The following SV2C variants were observed in gnomAD, a reference collection of about 807,000 sequenced individuals.
The protein encoded by SV2C is synaptic vesicle glycoprotein 2C, also known as solute carrier family 22 member B3.
Under a neutral mutation model 79.7 loss-of-function variants are expected in SV2C, and 49 were observed. The ratio of observed to expected loss-of-function variants is 0.61; its 90% confidence interval spans 0.49 to 0.78. The LOEUF (loss-of-function observed/expected upper bound fraction) is 0.78, where lower values mean the gene tolerates loss of function less well. Among genes scored for constraint, SV2C ranks in the 30% least tolerant of loss-of-function variants. The pLI is 0.00. For missense variants in SV2C, 833 were observed against 912.9 expected (o/e 0.91, Z 1.13); for synonymous variants, 334 against 333.2 (o/e 1.00, Z -0.03).
intron 4 of SV2C, among the ~76,000 whole-genome samples, chr5:76,221,728 C>G (rs980951130): frequency 6.6e-6 from 1 of 152,114 alleles, no homozygotes; most frequent in African/African-American, 2.4e-5. Flanking sequence ...TTAGACTTCC[C>G]TGGTACTCAG....
intron 1 of SV2C, among the ~76,000 whole-genome samples, chr5:76,093,350 G>A (rs1160323102): frequency 1.3e-5 from 2 of 152,174 alleles, no homozygotes; most frequent in African/African-American, 4.8e-5. Context: ...TTCTGCCAGT[G>A]GACATGCGAG....
intron 4 of SV2C, among the ~76,000 whole-genome samples, chr5:76,271,370 T>C (rs1298585483): frequency 6.6e-6 from 1 of 152,158 alleles, no homozygotes; most frequent in Non-Finnish European, 1.5e-5. Flanking sequence ...TTATTGGGAC[T>C]ACCCACAAAA....
chr5:76,226,708 C>T (rs1186147976), intron 4 of SV2C, among the ~76,000 whole-genome samples: 1 of 152,160 alleles, frequency 6.6e-6, no homozygotes, highest in East Asian at 1.9e-4. Context: ...ATAGGCCTAA[C>T]AGAACACACG....
intron 4 of SV2C, among the ~76,000 whole-genome samples, chr5:76,228,514 G>C (rs1532697): frequency 3.3e-5 from 5 of 151,944 alleles, no homozygotes; most frequent in African/African-American, 1.2e-4. Flanking sequence ...AACCCGTAAC[G>C]GAGCAGCTAG....
the SV2C span, among the ~76,000 whole-genome samples, chr5:75,968,479 A>G: frequency 6.6e-6 from 1 of 152,252 alleles, no homozygotes; most frequent in Non-Finnish European, 1.5e-5. Flanking sequence ...AGAAGTCCTC[A>G]AAGGACCTGA....
chr5:76,280,440 T>C (rs187408593), intron 4 of SV2C, among the ~76,000 whole-genome samples: 31 of 152,256 alleles, frequency 2.0e-4, no homozygotes, highest in African/African-American at 6.5e-4. Flanking sequence ...GGGTTTTGAT[T>C]GTGGTCCAAT....
intron 4 of SV2C, among the ~76,000 whole-genome samples, chr5:76,268,607 C>A (rs1024160073): frequency 2.0e-5 from 3 of 152,214 alleles, no homozygotes; most frequent in African/African-American, 7.2e-5. Context: ...TTTTATGAGA[C>A]AAGAACGCAA....
intron 2 of SV2C, among the ~76,000 whole-genome samples, chr5:76,179,064 A>G (rs1561251781): frequency 6.6e-6 from 1 of 152,234 alleles, no homozygotes. Flanking sequence ...TTATAGAGAT[A>G]GGACTGATGC....
At chr5:75,883,086 A>G in the SV2C span, among the ~76,000 whole-genome samples, 1 of 145,912 alleles carries the variant, frequency 6.9e-6, no homozygotes, top group Non-Finnish European at 1.5e-5. Context: ...AAACACATGA[A>G]AAAATGCTCA....
At chr5:76,086,461 C>G (rs1025450404) in intron 1 of SV2C, among the ~76,000 whole-genome samples, 3 of 152,172 alleles carry the variant, frequency 2.0e-5, no homozygotes, top group Non-Finnish European at 4.4e-5. Flanking sequence ...CAAAATGCCT[C>G]TTTTTCTGTG....
the SV2C span, among the ~76,000 whole-genome samples, chr5:75,965,590 A>T: frequency 6.6e-6 from 1 of 152,170 alleles, no homozygotes; most frequent in African/African-American, 2.4e-5. Context: ...AACTGTGAGA[A>T]ATAAACTTCT....
chr5:76,099,539 C>T (rs968540221), intron 1 of SV2C, among the ~76,000 whole-genome samples: 4 of 152,112 alleles, frequency 2.6e-5, no homozygotes, highest in Non-Finnish European at 4.4e-5. Flanking sequence ...CTCAGGATAA[C>T]CAACCACTGA....
chr5:75,921,687 T>C, the SV2C span: 2,630 of 585,836 alleles, frequency 4.5e-3, 45 homozygotes, highest in African/African-American at 0.044. Context: ...TAAACAGCAA[T>C]GGATATACCC....
chr5:75,905,240 C>A, the SV2C span, among the ~76,000 whole-genome samples: 1 of 152,132 alleles, frequency 6.6e-6, no homozygotes. Flanking sequence ...TTTTCATTTG[C>A]TTCCATCCAG....
chr5:76,074,016 A>G, the SV2C span, among the ~76,000 whole-genome samples: 1 of 152,144 alleles, frequency 6.6e-6, no homozygotes, highest in East Asian at 1.9e-4. Context: ...GGGTTCACAG[A>G]CCTACTGTGC....
At chr5:76,316,384 C>A (rs900384164) in intron 12 of SV2C, among the ~76,000 whole-genome samples, 1 of 152,140 alleles carries the variant, frequency 6.6e-6, no homozygotes, top group African/African-American at 2.4e-5. Flanking sequence ...TGCTTGGGCC[C>A]CAATAAAGCA....
intron 1 of SV2C, among the ~76,000 whole-genome samples, chr5:76,114,616 C>A (rs570480013): frequency 6.6e-6 from 1 of 152,344 alleles, no homozygotes; most frequent in East Asian, 1.9e-4. Context: ...GCCCTGATTC[C>A]CTCAGAAAAG....
chr5:76,032,572 T>C, the SV2C span, among the ~76,000 whole-genome samples: 1 of 152,208 alleles, frequency 6.6e-6, no homozygotes, highest in South Asian at 2.1e-4. Context: ...ACAAAGGACA[T>C]GAACTCATCA....
At chr5:76,078,904 G>A (rs1282204438), upstream of SV2C, 1 of 558,046 alleles carries the variant, frequency 1.8e-6, no homozygotes, top group African/African-American at 1.9e-5. Context: ...TTACAATGAT[G>A]ACTTGCAGGG....
Sources: allele counts gnomAD v4.1 joint callset (sites outside exome capture counted in the v4.1 genomes callset), GRCh38; gene constraint gnomAD v4.1.1; transcripts MANE v1.5; gene names NCBI Gene and HGNC (gene_info 2026-07-23, HGNC 2026-07-21).